AKR1D1: variants seen among roughly 807,000 people sequenced by gnomAD.
The protein encoded by AKR1D1 is delta(4)-3-ketosteroid 5-beta-reductase.
In AKR1D1, 32 loss-of-function variants were observed where a neutral mutation model predicts 42.6. The observed-to-expected ratio is 0.75, with a 90% CI of 0.57 to 1.01. The LOEUF is 1.01. Among genes scored for constraint, AKR1D1 ranks in the 50% least tolerant of loss-of-function variants. The pLI, the probability that AKR1D1 is intolerant of heterozygous loss-of-function variation, is 0.00. For synonymous variants in AKR1D1, 123 were observed against 135.5 expected, an observed-to-expected ratio of 0.91 and a Z score of 0.64; for missense variants, 364 against 402.2, an observed-to-expected ratio of 0.91 and a Z score of 0.81.
rs1794080947 is a variant in AKR1D1 at position 138,091,674 on chromosome 7, A to AG, written c.262-94_262-93insG. ...GTGAGACCCCCCATCTCAAAAAAAAAAAATGTGTACGAGTGTTTTACAAAG... is the reference window on the plus strand; with the variant it reads ...GTGAGACCCCCCATCTCAAAAAAAAAGAAATGTGTACGAGTGTTTTACAAAG... On this transcript the variant is annotated intron_variant, in intron 2 of 8. Transcript: ENST00000242375. 1.1e-5 allele frequency: 11 copies of AG among 1,041,602 alleles called. No homozygotes were observed. In the East Asian group the frequency reaches 2.4e-4, roughly 23 times the overall value. 64.5% of individuals were successfully genotyped at this position (1,041,602 alleles called of 1,614,324 possible).
intron 4 of AKR1D1, among the ~76,000 whole-genome samples, chr7:138,100,993 C>T (rs12670239): frequency 0.095 from 14,355 of 151,858 alleles, 800 homozygotes; most frequent in South Asian, 0.17. Context: ...CATGAGCCAA[C>T]GCGCCCGGCC....
chr7:138,077,503 T>C (rs1170547304), intron 1 of AKR1D1, among the ~76,000 whole-genome samples: 1 of 152,148 alleles, frequency 6.6e-6, no homozygotes, highest in Non-Finnish European at 1.5e-5. Flanking sequence ...CAATTCAAGA[T>C]AAGATTTGGG....
At chr7:138,105,518 T>C (rs1794405872) in intron 5 of AKR1D1, 89 bp downstream of exon 5, 22 of 1,548,994 alleles carry the variant, frequency 1.4e-5, no homozygotes, top group Non-Finnish European at 2.0e-5. Flanking sequence ...TCAGGAAGGC[T>C]CATGATTGCT....
At chr7:138,105,458 T>G (rs1794404538) in intron 5 of AKR1D1, 29 bp downstream of exon 5, 2 of 1,612,756 alleles carry the variant, frequency 1.2e-6, no homozygotes, top group Non-Finnish European at 1.7e-6. Context: ...CACTAGGGTG[T>G]GGGGAGTGGG....
chr7:138,115,560 GA>G (rs915246329), intron 8 of AKR1D1, among the ~76,000 whole-genome samples: 10 of 150,688 alleles, frequency 6.6e-5, no homozygotes, highest in South Asian at 2.1e-4. Flanking sequence ...CAACTTCGGG[GA>G]AAAAAAAATA....
At chr7:138,109,777 T>C (rs754080409) in intron 7 of AKR1D1, among the ~76,000 whole-genome samples, 2 of 152,212 alleles carry the variant, frequency 1.3e-5, no homozygotes, top group Non-Finnish European at 2.9e-5. Flanking sequence ...TGTAGGCTCA[T>C]TGAAGATTAA....
chr7:138,107,112 A>G (rs1794448924), intron 6 of AKR1D1: 3 of 567,816 alleles, frequency 5.3e-6, no homozygotes, highest in Middle Eastern at 3.9e-4. Flanking sequence ...TTGTGTCTCT[A>G]TTTCTTCCAC....
intron 8 of AKR1D1, among the ~76,000 whole-genome samples, chr7:138,116,102 C>T (rs538272300): frequency 6.6e-6 from 1 of 152,156 alleles, no homozygotes; most frequent in South Asian, 2.1e-4. Context: ...TGCTTGGGAG[C>T]CCAGGAGTTT....
chr7:138,111,197 G>A (rs1475227404), intron 7 of AKR1D1, among the ~76,000 whole-genome samples: 1 of 152,032 alleles, frequency 6.6e-6, no homozygotes, highest in Non-Finnish European at 1.5e-5. Context: ...CCTCTCTACT[G>A]TGTAACTCCC....
intron 7 of AKR1D1, 56 bp from the exon 8 acceptor site, chr7:138,113,634 A>T: frequency 2.7e-6 from 4 of 1,502,074 alleles, no homozygotes; most frequent in Non-Finnish European, 3.7e-6. Context: ...CGGTGGCCCC[A>T]CTTTCTGATC....
rs747940247 is a variant in AKR1D1, at chr7:138,105,410, A to G, written c.560A>G (p.His187Arg). ...ELILNKPGLKHKPVSNQVECH... is the reference protein window; with the variant it reads ...ELILNKPGLKRKPVSNQVECH... ...ATCCTGAACAAGCCAGGACTCAAAC[A>G]CAAGCCAGTCAGCAACCAGGTACAG... The change falls in exon 5 of 9, where the codon CAC becomes CGC. Residue 187 changes from histidine (H) to arginine (R), a missense_variant. Transcript: ENST00000242375. 6.2e-7 allele frequency: 1 copy of G among 1,614,028 alleles called. No individual in the cohort carries two copies. Among genetic ancestry groups the G allele is most frequent in the East Asian group, 2.2e-5 (1 of 44,868 alleles).
intron 3 of AKR1D1, among the ~76,000 whole-genome samples, chr7:138,094,493 T>C (rs1290720459): frequency 6.6e-6 from 1 of 151,110 alleles, no homozygotes; most frequent in Non-Finnish European, 1.5e-5. Context: ...CCAGCCTGGG[T>C]GACAGAGCAA....
chr7:138,105,328 G>C lies in AKR1D1; in HGVS notation c.478G>C (p.Ala160Pro), dbSNP rs1358790910. 5.0e-6 allele frequency: 8 copies of C among 1,614,082 alleles called. No homozygotes were observed. Among genetic ancestry groups the C allele is most frequent in the Non-Finnish European group, 5.9e-6 (7 of 1,179,968 alleles). ...TWEAMEACKD[A>P]GLVKSLGVSN... ...ACAGGCGATGGAAGCTTGCAAAGACGCTGGCTTGGTGAAATCCCTGGGAGT... is the reference window on the plus strand; with the variant it reads ...ACAGGCGATGGAAGCTTGCAAAGACCCTGGCTTGGTGAAATCCCTGGGAGT... Residue 160 changes from alanine to proline, a missense_variant, in exon 5 of 9, where the codon GCT becomes CCT. Transcript: ENST00000242375.
At chr7:138,079,489 T>C (rs555867326) in intron 1 of AKR1D1, among the ~76,000 whole-genome samples, 1 of 152,318 alleles carries the variant, frequency 6.6e-6, no homozygotes, top group Admixed American at 6.5e-5. Flanking sequence ...TTATTGAGAA[T>C]ATAATAGACA....
rs373003874 is a variant in AKR1D1 at position 138,094,536 on chromosome 7, T to TG, written c.378+2659dup. Among the ~76,000 whole-genome samples the TG allele has an allele frequency of 1.0e-4, 15 of 146,962 alleles. 1 individual carries two copies. The highest frequency in any genetic ancestry group is 6.4e-4 in the East Asian group (3 of 4,712). On this transcript the variant is annotated intron_variant, in intron 3 of 8. Transcript: ENST00000242375. ...TCTTGGAAAAAAAAAGAAAAAAGAGTGGGGGGGCAGTCTTGCTCTGTCACC... is the reference window on the plus strand; with the variant it reads ...TCTTGGAAAAAAAAAGAAAAAAGAGTGGGGGGGGCAGTCTTGCTCTGTCACC...
intron 1 of AKR1D1, 71 bp from the exon 2 acceptor site, chr7:138,088,530 G>A: frequency 6.5e-7 from 1 of 1,527,178 alleles, no homozygotes; most frequent in Non-Finnish European, 9.1e-7. Context: ...CATGCAAAAT[G>A]TCCTGATTAA....
At chr7:138,098,155 G>A in intron 4 of AKR1D1, 3 of 513,460 alleles carry the variant, frequency 5.8e-6, no homozygotes, top group Non-Finnish European at 6.8e-6. Flanking sequence ...GAATGCCAAA[G>A]AAAAGAGAGA....
At chr7:138,113,826 T>C in intron 8 of AKR1D1, 54 bp downstream of exon 8, 1 of 1,518,490 alleles carries the variant, frequency 6.6e-7, no homozygotes, top group Non-Finnish European at 9.1e-7. Flanking sequence ...AATGGTCATG[T>C]GTCAAGCAAC....
At chr7:138,098,900 T>C (rs1350988845) in intron 4 of AKR1D1, among the ~76,000 whole-genome samples, 2 of 152,026 alleles carry the variant, frequency 1.3e-5, no homozygotes, top group African/African-American at 2.4e-5. Flanking sequence ...TGGGAACAAA[T>C]GTTGCCGCAC....
Sources: allele counts gnomAD v4.1 joint callset (sites outside exome capture counted in the v4.1 genomes callset), GRCh38; gene constraint gnomAD v4.1.1; transcripts MANE v1.5; gene names NCBI Gene and HGNC (gene_info 2026-07-23, HGNC 2026-07-21).